The following SBF2 variants were observed in gnomAD, a reference collection of about 807,000 sequenced individuals.
SBF2 encodes myotubularin-related protein 13.
SBF2 carries 112 observed loss-of-function variants against 225.2 expected under a neutral mutation model. The observed-to-expected ratio is 0.50, with a 90% CI of 0.43 to 0.58. The LOEUF (loss-of-function observed/expected upper bound fraction) is 0.58. SBF2 is among the 20% of genes least tolerant of loss of function. The pLI is 0.00. For synonymous variants in SBF2, 763 were observed against 773.3 expected, an observed-to-expected ratio of 0.99 and a Z score of 0.22; for missense variants, 1,996 against 2,206.2, an observed-to-expected ratio of 0.90 and a Z score of 1.91.
At chr11:10,213,054 A>C (rs910161136) in intron 1 of SBF2, among the ~76,000 whole-genome samples, 1 of 152,122 alleles carries the variant, frequency 6.6e-6, no homozygotes. Context: ...TCTCAAAAAA[A>C]AAAAAAAGTT....
chr11:10,259,617 A>C (rs1170642348), intron 1 of SBF2, among the ~76,000 whole-genome samples: 1 of 152,206 alleles, frequency 6.6e-6, no homozygotes, highest in Non-Finnish European at 1.5e-5. Context: ...AGAACTAATA[A>C]TATTAAATAC....
At chr11:9,868,337 CAAAAAAAAA>C (rs35348349) in intron 17 of SBF2, among the ~76,000 whole-genome samples, 4 of 26,372 alleles carry the variant, frequency 1.5e-4, no homozygotes, top group African/African-American at 2.3e-4. Context: ...TACAAAAATA[CAAAAAAAAA>C]AAAAAAAAAA....
intron 2 of SBF2, among the ~76,000 whole-genome samples, chr11:10,077,804 A>C (rs556400244): frequency 3.3e-5 from 5 of 152,358 alleles, no homozygotes; most frequent in Non-Finnish European, 7.3e-5. Context: ...AATTAAACTA[A>C]AGAGCTTCTG....
At chr11:10,283,009 C>T (rs1451655596) in intron 1 of SBF2, among the ~76,000 whole-genome samples, 1 of 152,182 alleles carries the variant, frequency 6.6e-6, no homozygotes, top group Non-Finnish European at 1.5e-5. Context: ...ATAATCTCCT[C>T]TATCCTCTTT....
chr11:9,823,603 G>A (rs74924820), intron 28 of SBF2, among the ~76,000 whole-genome samples: 32 of 152,208 alleles, frequency 2.1e-4, no homozygotes, highest in Non-Finnish European at 3.4e-4. Context: ...ACTGTGAGTC[G>A]GTACAAGGAA....
upstream of SBF2, chr11:10,294,246 TC>T (rs1226306987): frequency 4.6e-6 from 2 of 431,638 alleles, no homozygotes; most frequent in Admixed American, 9.3e-5. Context: ...TAGTGCCCGC[TC>T]CTCCCCCGCC....
intron 17 of SBF2, among the ~76,000 whole-genome samples, chr11:9,866,826 T>C (rs1858262073): frequency 1.3e-5 from 2 of 152,130 alleles, no homozygotes; most frequent in South Asian, 2.1e-4. Context: ...TTACAAACTA[T>C]CCATCCATCC....
intron 2 of SBF2, among the ~76,000 whole-genome samples, chr11:10,137,264 T>C (rs1276799132): frequency 1.3e-5 from 2 of 152,226 alleles, no homozygotes. Context: ...TGAATCTATA[T>C]AACTCACTTA....
chr11:9,910,606 T>C (rs11824944), intron 16 of SBF2, among the ~76,000 whole-genome samples: 2,287 of 152,136 alleles, frequency 0.015, 45 homozygotes, highest in African/African-American at 0.052. Flanking sequence ...CAAGATGTGG[T>C]GGTGGAAGAC....
chr11:9,892,080 TG>T (rs1257600012), intron 17 of SBF2, among the ~76,000 whole-genome samples: 4 of 152,192 alleles, frequency 2.6e-5, no homozygotes, highest in Non-Finnish European at 4.4e-5. Context: ...ATAGAGTAAA[TG>T]GTTTGTTTTT....
Position 10,253,677 on chromosome 11 carries a change from T to A in SBF2, c.55+40338A>T, listed in dbSNP as rs376385198. Among the ~76,000 whole-genome samples the A allele has an allele frequency of 1.8e-4, 27 of 152,286 alleles. 1 individual carries two copies. The East Asian group carries it at 1.9e-3, about 11-fold the overall frequency. ...CTGATTTTTCAATTTAATATCTCAA[T>A]TGCCCTGAGATATTACTATAATGAA... On this transcript the variant is annotated intron_variant, in intron 1 of 39. Coordinates refer to ENST00000256190, the MANE Select transcript of SBF2 (RefSeq NM_030962.4).
intron 1 of SBF2, among the ~76,000 whole-genome samples, chr11:10,279,474 C>T (rs1043689135): frequency 1.4e-4 from 21 of 151,392 alleles, no homozygotes; most frequent in African/African-American, 7.3e-5. Flanking sequence ...TATTTAGATA[C>T]TAGTACCTAA....
At chr11:10,057,179 T>C (rs1555003424) in intron 2 of SBF2, among the ~76,000 whole-genome samples, 1 of 151,988 alleles carries the variant, frequency 6.6e-6, no homozygotes, top group Non-Finnish European at 1.5e-5. Flanking sequence ...AGCAGCCCTA[T>C]GGAAAAGTGG....
In SBF2 at chr11:9,796,064, C is replaced by G. The variant is rs570461811; in HGVS notation, c.4444-107G>C. 297 of 1,115,744 alleles carry G rather than the reference C, an allele frequency of 2.7e-4. 1 individual carries two copies. The African/African-American group carries it at 4.2e-3, about 16-fold the overall frequency. 69.1% of individuals were successfully genotyped at this position (1,115,744 alleles called of 1,614,324 possible). A position where few individuals can be genotyped will look rare whatever the true frequency, so the allele number is the denominator to read the frequency against. Reference sequence around the variant, plus strand: ...ACATGCAGGAGACCATTCAGTCATTCACTCAACAAATACCTGAATCCCTAC... The same window carrying G: ...ACATGCAGGAGACCATTCAGTCATTGACTCAACAAATACCTGAATCCCTAC... On this transcript the variant is annotated intron_variant, in intron 32 of 39. Coordinates refer to ENST00000256190, the MANE Select transcript of SBF2 (RefSeq NM_030962.4).
intron 1 of SBF2, among the ~76,000 whole-genome samples, chr11:10,292,806 T>C (rs903824326): frequency 1.4e-4 from 22 of 152,212 alleles, no homozygotes; most frequent in African/African-American, 5.1e-4. Context: ...CATCAGACTA[T>C]GCCAAATTAC....
chr11:10,008,473 G>A (rs1409441160), intron 6 of SBF2, among the ~76,000 whole-genome samples: 1 of 152,226 alleles, frequency 6.6e-6, no homozygotes, highest in Non-Finnish European at 1.5e-5. Context: ...AGGACCAGAA[G>A]GAAGAAGAAA....
chr11:10,182,549 CT>C (rs1207292476), intron 2 of SBF2, among the ~76,000 whole-genome samples: 2 of 151,208 alleles, frequency 1.3e-5, no homozygotes, highest in African/African-American at 2.4e-5. Context: ...AATCACCTGA[CT>C]TTTTTTTTGT....
chr11:10,304,217 T>G (rs998833563), intron 1 of SBF2, among the ~76,000 whole-genome samples: 1 of 152,174 alleles, frequency 6.6e-6, no homozygotes, highest in Non-Finnish European at 1.5e-5. Context: ...GTAAAATGAT[T>G]AGCATACGTG....
At chr11:9,987,096 T>C (rs1947228446) in intron 13 of SBF2, among the ~76,000 whole-genome samples, 1 of 152,186 alleles carries the variant, frequency 6.6e-6, no homozygotes, top group Non-Finnish European at 1.5e-5. Flanking sequence ...GTGGGTTTCA[T>C]ACCAGGGATG....
Sources: allele counts gnomAD v4.1 joint callset (sites outside exome capture counted in the v4.1 genomes callset), GRCh38; gene constraint gnomAD v4.1.1; transcripts MANE v1.5; gene names NCBI Gene and HGNC (gene_info 2026-07-23, HGNC 2026-07-21).